The following B3GALNT2 variants were observed in gnomAD, a reference collection of about 807,000 sequenced individuals.
B3GALNT2 encodes the protein beta-1,3-N-acetylgalactosaminyltransferase 2, also known as UDP-GalNAc:beta-1,3-N-acetylgalactosaminyltransferase 2.
A neutral mutation model predicts 61.1 loss-of-function variants in B3GALNT2; 53 were observed. The ratio of observed to expected loss-of-function variants is 0.87; its 90% CI spans 0.70 to 1.09. The LOEUF (loss-of-function observed/expected upper bound fraction) is 1.09, where lower values mean the gene tolerates loss of function less well. B3GALNT2 is among the 50% of genes least tolerant of loss of function. The probability of loss-of-function intolerance (pLI) is 0.00; values close to 1 mark genes in which losing one functional copy is unlikely to be tolerated. For synonymous variants in B3GALNT2, 223 were observed against 237.4 expected, an observed-to-expected ratio of 0.94 and a Z score of 0.56; for missense variants, 544 against 623.0, an observed-to-expected ratio of 0.87 and a Z score of 1.35.
At chr1:235,460,869 G>C (rs1397381821) in intron 7 of B3GALNT2, among the ~76,000 whole-genome samples, 1 of 152,162 alleles carries the variant, frequency 6.6e-6, no homozygotes, top group African/African-American at 2.4e-5. Context: ...CTACAGGCGA[G>C]AGCCACTATG....
intron 5 of B3GALNT2, among the ~76,000 whole-genome samples, chr1:235,471,719 A>G (rs1684016348): frequency 1.3e-5 from 2 of 152,106 alleles, no homozygotes; most frequent in South Asian, 4.1e-4. Flanking sequence ...CTGGAGTGCA[A>G]TGGTGCGATC....
In B3GALNT2 at chr1:235,450,196, C is replaced by G; in HGVS notation, c.*10G>C. The stretch of plus-strand genomic sequence containing the variant: ...GCCCTGATTTTAGACTCTGCTAATT[C>G]AAGTCCCTGTTATCTTGCTTGACAT... On this transcript the variant is annotated 3_prime_UTR_variant, in exon 12 of 12. Transcript: ENST00000366600. 1 of 1,614,102 alleles carries G rather than the reference C, an allele frequency of 6.2e-7. No individual in the cohort carries two copies. Among genetic ancestry groups the G allele is most frequent in the African/African-American group, 1.3e-5 (1 of 75,054 alleles).
chr1:235,486,631 G>C (rs1261144225), intron 3 of B3GALNT2, among the ~76,000 whole-genome samples: 1 of 152,132 alleles, frequency 6.6e-6, no homozygotes, highest in East Asian at 1.9e-4. Flanking sequence ...TATTAACTTA[G>C]TTATATACGC....
intron 5 of B3GALNT2, 142 bp from the exon 6 acceptor site, chr1:235,471,102 A>G (rs1407987779): frequency 4.2e-6 from 6 of 1,428,870 alleles, no homozygotes; most frequent in Non-Finnish European, 5.5e-6. Flanking sequence ...CTGACATACC[A>G]CTGTTAGCGT....
At chr1:235,461,522 T>TTC (rs1553344825) in intron 7 of B3GALNT2, among the ~76,000 whole-genome samples, 1 of 137,532 alleles carries the variant, frequency 7.3e-6, no homozygotes, top group Non-Finnish European at 1.6e-5. Context: ...TTTTTTTTTT[T>TTC]TTTTTTTTTT....
intron 5 of B3GALNT2, among the ~76,000 whole-genome samples, chr1:235,472,222 C>G (rs1042139248): frequency 6.6e-6 from 1 of 152,142 alleles, no homozygotes; most frequent in African/African-American, 2.4e-5. Context: ...CCATAAATTT[C>G]ACCTTGGCAA....
At chr1:235,469,719 A>AT (rs34811873) in intron 6 of B3GALNT2, among the ~76,000 whole-genome samples, 19,662 of 142,496 alleles carry the variant, frequency 0.14, 1,589 homozygotes, top group African/African-American at 0.24. Context: ...GGCCCAGCTA[A>AT]TTTTTTTTTT....
At chr1:235,462,678 A>G (rs568877021) in intron 7 of B3GALNT2, among the ~76,000 whole-genome samples, 2 of 152,360 alleles carry the variant, frequency 1.3e-5, no homozygotes, top group Admixed American at 6.5e-5. Context: ...AGACTTTTAT[A>G]CTGAAAAATC....
At chr1:235,471,673 C>T (rs1684014383) in intron 5 of B3GALNT2, among the ~76,000 whole-genome samples, 1 of 152,022 alleles carries the variant, frequency 6.6e-6, no homozygotes, top group Non-Finnish European at 1.5e-5. Context: ...ATTTATTTTT[C>T]AGTTTTTGAC....
At chr1:235,457,485 G>A (rs909332938) in intron 8 of B3GALNT2, among the ~76,000 whole-genome samples, 6 of 151,920 alleles carry the variant, frequency 3.9e-5, no homozygotes, top group Non-Finnish European at 5.9e-5. Context: ...ATAACTATAC[G>A]TTAAGATTAT....
rs757654545 is a variant in B3GALNT2, at chr1:235,494,750, T to C, written c.191A>G (p.His64Arg). ...VVGVLSARNNHELRNVIRSTW... is the reference protein window; with the variant it reads ...VVGVLSARNNRELRNVIRSTW... ...GCTTCTTATCACGTTTCGAAGTTCA[T>C]GGTTATTGCGAGCTGACAACACGCC... Residue 64 changes from histidine to arginine, a missense_variant, in exon 2 of 12, where the codon CAT (histidine) becomes CGT (arginine). Transcript: ENST00000366600. 44 of 1,612,854 alleles carry C rather than the reference T, an allele frequency of 2.7e-5. No homozygotes were observed. In the South Asian group the frequency reaches 4.5e-4, roughly 17 times the overall value.
chr1:235,484,294 G>GA (rs1034354554), intron 4 of B3GALNT2, 28 bp downstream of exon 4: 1 of 1,537,476 alleles, frequency 6.5e-7, no homozygotes, highest in African/African-American at 1.4e-5. Flanking sequence ...AGAAAAAAGA[G>GA]AAAAAACCTG....
In B3GALNT2 at chr1:235,504,241, C is replaced by A; in HGVS notation, c.12G>T (p.Trp4Cys). Reference sequence around the variant, plus strand: ...GCACACACGGGCACAGCAGCACCAGCCAGTTTCGCATTGGCCGCCCCCGCC... The same window carrying A: ...GCACACACGGGCACAGCAGCACCAGACAGTTTCGCATTGGCCGCCCCCGCC... MRN[W>C]LVLLCPCVLG... The change falls in exon 1 of 12, where the codon TGG (tryptophan) becomes TGT (cysteine). Residue 4 changes from tryptophan to cysteine, a missense_variant. By Grantham distance (215) the Trp-to-Cys change is radical. Coordinates refer to ENST00000366600, the MANE Select transcript of B3GALNT2 (RefSeq NM_152490.5). 1 of 1,486,450 alleles carries A rather than the reference C, an allele frequency of 6.7e-7. No homozygotes were observed. The highest frequency in any genetic ancestry group is 8.9e-7 in the Non-Finnish European group (1 of 1,124,482). 92.1% of individuals were successfully genotyped at this position (1,486,450 alleles called of 1,614,324 possible).
chr1:235,488,303 A>T (rs1418750108), intron 3 of B3GALNT2, among the ~76,000 whole-genome samples: 2 of 152,166 alleles, frequency 1.3e-5, no homozygotes, highest in Admixed American at 6.5e-5. Context: ...AACGCGTATG[A>T]ATCACACTGA....
intron 5 of B3GALNT2, among the ~76,000 whole-genome samples, chr1:235,476,812 T>G (rs1223590094): frequency 6.6e-6 from 1 of 150,614 alleles, no homozygotes; most frequent in African/African-American, 2.4e-5. Flanking sequence ...ATCATGCCAG[T>G]GCACTCCAGC....
At chr1:235,477,384 A>G (rs1316627102) in intron 5 of B3GALNT2, among the ~76,000 whole-genome samples, 1 of 152,188 alleles carries the variant, frequency 6.6e-6, no homozygotes, top group African/African-American at 2.4e-5. Context: ...TGTATTTCCT[A>G]AGAACAAGGA....
At chr1:235,483,194 G>A (rs898985278) in intron 4 of B3GALNT2, among the ~76,000 whole-genome samples, 3 of 152,102 alleles carry the variant, frequency 2.0e-5, no homozygotes, top group Non-Finnish European at 4.4e-5. Context: ...CTTGAATACA[G>A]ATGAACAGAA....
rs1335608536 is a variant in B3GALNT2 at position 235,485,884 on chromosome 1, T to C, written c.362-1369A>G. On this transcript the variant is annotated intron_variant, in intron 3 of 11. Transcript: ENST00000366600. Reference sequence around the variant, plus strand: ...AAGATTGTATTTTCTTATTTTCAGATAAATAGAAATTCTAAGCCTGGGCAA... The same window carrying C: ...AAGATTGTATTTTCTTATTTTCAGACAAATAGAAATTCTAAGCCTGGGCAA... Among the ~76,000 whole-genome samples, 8 of 152,112 alleles carry C rather than the reference T, an allele frequency of 5.3e-5. No individual in the cohort carries two copies. In the South Asian group the frequency reaches 1.2e-3, roughly 24 times the overall value.
Position 235,479,895 on chromosome 1 carries a change from GAGTGCTAT to G in B3GALNT2, c.651+151_651+158del, listed in dbSNP as rs1270959180. The G allele has an allele frequency of 1.2e-5, 15 of 1,267,626 alleles. No homozygotes were observed. The African/African-American group carries it at 2.1e-4, about 18-fold the overall frequency. The allele number at this position is 1,267,626 out of a possible 1,614,324, so 78.5% of individuals were successfully genotyped here. A position where few individuals can be genotyped will look rare whatever the true frequency, so the allele number is the denominator to read the frequency against. Reference sequence around the variant, plus strand: ...GAAGTCCTCAGGAGGTTTGAATACAGAGTGCTATGTTTTAGCCCATCCACAGTTGGTAC... The same window carrying G: ...GAAGTCCTCAGGAGGTTTGAATACAGGTTTTAGCCCATCCACAGTTGGTAC... On this transcript the variant is annotated intron_variant, in intron 5 of 11. Coordinates refer to ENST00000366600, the MANE Select transcript of B3GALNT2 (RefSeq NM_152490.5).
Sources: allele counts gnomAD v4.1 joint callset (sites outside exome capture counted in the v4.1 genomes callset), GRCh38; gene constraint gnomAD v4.1.1; transcripts MANE v1.5; gene names NCBI Gene and HGNC (gene_info 2026-07-23, HGNC 2026-07-21).